GSTCD: variants seen among roughly 807,000 people sequenced by gnomAD.
GSTCD encodes glutathione S-transferase C-terminal domain containing.
A neutral mutation model predicts 68.3 loss-of-function variants in GSTCD; 44 were observed. That is an observed-to-expected ratio of 0.64 (90% confidence interval 0.51 to 0.83). The LOEUF is 0.83. Among genes scored for constraint, GSTCD ranks in the 40% least tolerant of loss-of-function variants. The pLI, the probability that GSTCD is intolerant of heterozygous loss-of-function variation, is 0.00. For missense variants in GSTCD, 739 were observed against 735.9 expected, an observed-to-expected ratio of 1.00 and a Z score of -0.05; for synonymous variants, 273 against 255.2, an observed-to-expected ratio of 1.07 and a Z score of -0.67.
chr4:105,819,185 T>A (rs78882942), intron 5 of GSTCD, among the ~76,000 whole-genome samples: 5,641 of 151,860 alleles, frequency 0.037, 151 homozygotes, highest in Middle Eastern at 0.068. Flanking sequence ...AATCTGATGT[T>A]CTACTACTTC....
chr4:105,797,435 C>T (rs1735938106), intron 5 of GSTCD, among the ~76,000 whole-genome samples: 1 of 152,056 alleles, frequency 6.6e-6, no homozygotes, highest in South Asian at 2.1e-4. Flanking sequence ...GTTGTGTTTA[C>T]ACTATACTGT....
At chr4:105,827,302 T>C (rs1426451630) in intron 8 of GSTCD, 1 of 152,178 alleles carries the variant, frequency 6.6e-6, no homozygotes. Flanking sequence ...CATCCGTCTC[T>C]TGGCCCTTCA....
rs140131952 is a variant in GSTCD at position 105,767,436 on chromosome 4, T to C, written c.1240+37937T>C. 1.3e-3 allele frequency among the ~76,000 whole-genome samples: 198 copies of C among 152,288 alleles called. 2 individuals carry two copies. Among genetic ancestry groups the C allele is most frequent in the African/African-American group, 4.6e-3 (192 of 41,558 alleles). The stretch of plus-strand genomic sequence containing the variant: ...TTTATCTACATTAGAATCGTTTCAT[T>C]AAAAAAATCTTGTTGCTTCATTTAG... On this transcript the variant is annotated intron_variant, in intron 5 of 11. Coordinates refer to ENST00000515279, the MANE Select transcript of GSTCD (RefSeq NM_001370181.1).
At position 105,730,364 on chromosome 4, in the gene GSTCD, G is replaced by T. The variant is rs569655965; in HGVS notation, c.1240+865G>T. The stretch of plus-strand genomic sequence containing the variant: ...ACTAGTTTACAGTCCCACCAACAGT[G>T]TAAAAGTGTTCCTATTTCTCCACAT... On this transcript the variant is annotated intron_variant, in intron 5 of 11. Coordinates refer to ENST00000515279, the MANE Select transcript of GSTCD (RefSeq NM_001370181.1). 5.7e-4 allele frequency among the ~76,000 whole-genome samples: 87 copies of T among 152,304 alleles called. 1 individual carries two copies. Among genetic ancestry groups the T allele is most frequent in the African/African-American group, 1.6e-3 (68 of 41,576 alleles).
chr4:105,834,320 C>A, intron 8 of GSTCD, 141 bp from the exon 9 acceptor site: 1 of 638,982 alleles, frequency 1.6e-6, no homozygotes, highest in Non-Finnish European at 2.6e-6. Context: ...ACCTTTCAAA[C>A]TTGCTTAGTT....
intron 5 of GSTCD, among the ~76,000 whole-genome samples, chr4:105,814,900 C>A (rs1302686656): frequency 6.6e-6 from 1 of 152,200 alleles, no homozygotes; most frequent in East Asian, 1.9e-4. Flanking sequence ...AACTGGAATG[C>A]AAAACTGCCT....
chr4:105,768,405 A>G (rs1365979576), intron 5 of GSTCD, among the ~76,000 whole-genome samples: 1 of 152,120 alleles, frequency 6.6e-6, no homozygotes, highest in Admixed American at 6.5e-5. Flanking sequence ...TTGTTTTGAA[A>G]ATTAGTTCTT....
intron 5 of GSTCD, among the ~76,000 whole-genome samples, chr4:105,776,471 G>A (rs956912689): frequency 6.6e-5 from 10 of 152,146 alleles, no homozygotes; most frequent in Admixed American, 2.6e-4. Flanking sequence ...GGTGGTGTAG[G>A]CACCCAAGGG....
In GSTCD at chr4:105,779,898, A is replaced by C. The variant is rs564477751; in HGVS notation, c.1241-43056A>C. On this transcript the variant is annotated intron_variant, in intron 5 of 11. Coordinates refer to ENST00000515279, the MANE Select transcript of GSTCD (RefSeq NM_001370181.1). ...GGAATTTTCTTTTAAGTCAGAATTA[A>C]TTTTAAATCAACAGTGCTCTTTTAT... Among the ~76,000 whole-genome samples, 153 of 152,326 alleles carry C rather than the reference A, an allele frequency of 1.0e-3. 3 individuals carry two copies. In the South Asian group the frequency reaches 0.031, roughly 31 times the overall value.
At chr4:105,777,746 G>A (rs1307711550) in intron 5 of GSTCD, among the ~76,000 whole-genome samples, 3 of 152,164 alleles carry the variant, frequency 2.0e-5, no homozygotes, top group Admixed American at 1.3e-4. Context: ...GGGGATGTTA[G>A]TAATGACTTC....
At chr4:105,735,829 C>T (rs1376099394) in intron 5 of GSTCD, among the ~76,000 whole-genome samples, 2 of 151,826 alleles carry the variant, frequency 1.3e-5, no homozygotes, top group African/African-American at 4.8e-5. Context: ...TGGAACTGCC[C>T]CTGACATATT....
At position 105,717,871 on chromosome 4, in the gene GSTCD, A is replaced by C; in HGVS notation, c.258A>C (p.Gln86His). Residue 86 changes from glutamine to histidine, a missense_variant, in exon 2 of 12, where the codon CAA becomes CAC. Gln to His is a conservative substitution (Grantham distance 24, BLOSUM62 0). Coordinates refer to ENST00000515279, the MANE Select transcript of GSTCD (RefSeq NM_001370181.1). The part of the protein sequence containing the change: ...ISRQELPPIV[Q>H]NCCLPAVVER... Reference sequence around the variant, plus strand: ...GGCAGGAGCTCCCACCAATAGTCCAAAATTGCTGTTTGCCTGCAGTAGTAG... The same window carrying C: ...GGCAGGAGCTCCCACCAATAGTCCACAATTGCTGTTTGCCTGCAGTAGTAG... 6.2e-7 allele frequency: 1 copy of C among 1,614,128 alleles called. No homozygotes were observed. The highest frequency in any genetic ancestry group is 8.5e-7 in the Non-Finnish European group (1 of 1,180,008).
At chr4:105,746,832 G>C (rs1194908077) in intron 5 of GSTCD, among the ~76,000 whole-genome samples, 1 of 152,078 alleles carries the variant, frequency 6.6e-6, no homozygotes, top group Non-Finnish European at 1.5e-5. Flanking sequence ...TTAACATTAG[G>C]AAAAAATATA....
intron 5 of GSTCD, among the ~76,000 whole-genome samples, chr4:105,776,384 A>G (rs888540865): frequency 1.3e-5 from 2 of 152,052 alleles, no homozygotes; most frequent in Non-Finnish European, 2.9e-5. Context: ...CCACTGGGGT[A>G]TGAAAAAAAA....
intron 5 of GSTCD, among the ~76,000 whole-genome samples, chr4:105,786,020 C>T (rs1404749010): frequency 6.6e-6 from 1 of 152,136 alleles, no homozygotes; most frequent in Non-Finnish European, 1.5e-5. Context: ...ATTACAATAA[C>T]CCTTACATTA....
At chr4:105,826,334 A>G (rs2149278139) in intron 8 of GSTCD, among the ~76,000 whole-genome samples, 1 of 152,176 alleles carries the variant, frequency 6.6e-6, no homozygotes, top group East Asian at 1.9e-4. Flanking sequence ...AAAAATCCCT[A>G]AGATATGTAA....
chr4:105,763,894 A>C (rs1342138590), intron 5 of GSTCD, among the ~76,000 whole-genome samples: 1 of 152,170 alleles, frequency 6.6e-6, no homozygotes, highest in African/African-American at 2.4e-5. Flanking sequence ...GTTGTAACCC[A>C]TCAATTTGAA....
chr4:105,756,574 GTGTGTGTATA>G (rs1459117158), intron 5 of GSTCD, among the ~76,000 whole-genome samples: 1 of 89,402 alleles, frequency 1.1e-5, no homozygotes, highest in African/African-American at 3.5e-5. Context: ...ATGTGTGTGT[GTGTGTGTATA>G]TATATATATA....
chr4:105,733,135 G>T (rs1490037699), intron 5 of GSTCD, among the ~76,000 whole-genome samples: 1 of 152,138 alleles, frequency 6.6e-6, no homozygotes, highest in Non-Finnish European at 1.5e-5. Flanking sequence ...GAATAAGTGT[G>T]GTGTGGTGCT....
Sources: allele counts gnomAD v4.1 joint callset (sites outside exome capture counted in the v4.1 genomes callset), GRCh38; gene constraint gnomAD v4.1.1; transcripts MANE v1.5; gene names NCBI Gene and HGNC (gene_info 2026-07-23, HGNC 2026-07-21).